NACA: variants seen among roughly 807,000 people sequenced by gnomAD.
The protein encoded by NACA is nascent polypeptide-associated complex subunit alpha.
Under a neutral mutation model 86.4 loss-of-function variants are expected in NACA, and 42 were observed. That is an observed-to-expected ratio of 0.49 (90% CI 0.38 to 0.63). The LOEUF is 0.63. NACA is among the 20% of genes least tolerant of loss of function. The pLI is 0.00. For synonymous variants in NACA, 898 were observed against 973.7 expected (o/e 0.92, Z 1.45); for missense variants, 2,157 against 2,483.6 (o/e 0.87, Z 2.80).
At chr12:56,715,656 A>G (rs1953332944) in intron 3 of NACA, among the ~76,000 whole-genome samples, 2 of 152,076 alleles carry the variant, frequency 1.3e-5, no homozygotes, top group South Asian at 2.1e-4. Flanking sequence ...ATGATACACA[A>G]TGTACTATGT....
At position 56,721,287 on chromosome 12, in the gene NACA, AG is replaced by A; in HGVS notation, c.242del (p.Pro81LeufsTer26). The A allele has an allele frequency of 6.2e-7, 1 of 1,612,742 alleles. No homozygotes were observed. Among genetic ancestry groups the A allele is most frequent in the Non-Finnish European group, 8.5e-7 (1 of 1,179,442 alleles). Reference sequence around the variant, plus strand: ...CTGTTCCAGAGGATGACTGGGGAAAAGGAACTTCTAAAGGGGTCGAGGCAAT... The same window carrying A: ...CTGTTCCAGAGGATGACTGGGGAAAAGAACTTCTAAAGGGGTCGAGGCAAT... Reference protein sequence around the residue: ...STIASTPLEVPFPQSSSGTAL... With the variant: ...STIASTPLEVXFPQSSSGTAL... On this transcript the variant is annotated frameshift_variant, in exon 3 of 9. Transcript: ENST00000454682. LOFTEE classifies it high-confidence loss of function.
In NACA at chr12:56,715,866, A is replaced by G. The variant is rs1953341140; in HGVS notation, c.5659+5T>C. On this transcript the variant is annotated splice_donor_5th_base_variant and intron_variant, in intron 3 of 8. Coordinates refer to ENST00000454682, the MANE Select transcript of NACA (RefSeq NM_001365896.1). ...ACCATGCACACGGCAAACCAAGGCAAATACCCTTGTTGTTCTTCGTAACAG... is the reference window on the plus strand; with the variant it reads ...ACCATGCACACGGCAAACCAAGGCAGATACCCTTGTTGTTCTTCGTAACAG... 1 of 1,511,438 alleles carries G rather than the reference A, an allele frequency of 6.6e-7. No individual in the cohort carries two copies. Among genetic ancestry groups the G allele is most frequent in the Admixed American group, 2.3e-5 (1 of 44,050 alleles). The allele number at this position is 1,511,438 out of a possible 1,614,324, so 93.6% of individuals were successfully genotyped here.
rs1953373231 is a variant in NACA at position 56,716,609 on chromosome 12, G to A, written c.4921C>T (p.Pro1641Ser). ...PAPKGTPTSP[P>S]VTPSSLKDSP... ...TCTTTGAGGGAGGAAGGAGTCACAG[G>A]TGGGGAAGTGGGAGTCCCTTTGGGG... The change falls in exon 3 of 9, where the codon CCT becomes TCT. Residue 1641 changes from proline to serine, a missense_variant. Physicochemically the swap from Pro to Ser is moderately conservative, Grantham distance 74. This residue lies in a region of NACA where 797 missense variants were observed against 777.6 expected (regional missense o/e 1.02). Transcript: ENST00000454682. 1 of 1,450,962 alleles carries A rather than the reference G, an allele frequency of 6.9e-7. No individual in the cohort carries two copies. The highest frequency in any genetic ancestry group is 9.3e-7 in the Non-Finnish European group (1 of 1,074,148). 89.9% of individuals were successfully genotyped at this position (1,450,962 alleles called of 1,614,324 possible). A position where few individuals can be genotyped will look rare whatever the true frequency, so the allele number is the denominator to read the frequency against.
intron 1 of NACA, 86 bp from the exon 2 acceptor site, chr12:56,724,609 C>A: frequency 7.1e-7 from 1 of 1,409,230 alleles, no homozygotes. Context: ...TTAAAAACTC[C>A]GAGGAGGGCT....
At position 56,716,148 on chromosome 12, in the gene NACA, G is replaced by T; in HGVS notation, c.5382C>A (p.Pro1794=). The T allele has an allele frequency of 6.2e-7, 1 of 1,613,390 alleles. No homozygotes were observed. Among genetic ancestry groups the T allele is most frequent in the Non-Finnish European group, 8.5e-7 (1 of 1,179,720 alleles). Residue 1794 remains proline (P), a synonymous_variant, in exon 3 of 9, where the codon CCC becomes CCA. Coordinates refer to ENST00000454682, the MANE Select transcript of NACA (RefSeq NM_001365896.1). ...KPESASVSAA[P]SPPVSLPLAP... ...CAAGAGGCAGAGAGACTGGTGGGGA[G>T]GGTGCTGCAGAGACAGATGCTGATT... is the stretch of plus-strand genomic sequence containing the variant.
In NACA at chr12:56,716,454, G is replaced by T; in HGVS notation, c.5076C>A (p.Ser1692Arg). 3 of 1,568,318 alleles carry T rather than the reference G, an allele frequency of 1.9e-6. No individual in the cohort carries two copies. The highest frequency in any genetic ancestry group is 2.6e-6 in the Non-Finnish European group (3 of 1,151,492). The change falls in exon 3 of 9, where the codon AGC (serine) becomes AGA (arginine). Residue 1692 changes from serine (S) to arginine (R), a missense_variant. By Grantham distance (110) the Ser-to-Arg change is moderately radical. This residue lies in a region of NACA where 797 missense variants were observed against 777.6 expected (regional missense o/e 1.02). Transcript: ENST00000454682. ...GAGTGGGAGCTGTGATGATTGGCGT[G>T]CTTTCTGGAGCTGGGGCAACAAGTA... ...KEVLVAPAPE[S>R]TPIITAPTRK...
chr12:56,713,198 G>T lies in NACA; in HGVS notation c.5971-8C>A. The T allele has an allele frequency of 6.2e-7, 1 of 1,613,520 alleles. No individual in the cohort carries two copies. Among genetic ancestry groups the T allele is most frequent in the Non-Finnish European group, 8.5e-7 (1 of 1,179,682 alleles). On this transcript the variant is annotated splice_region_variant and splice_polypyrimidine_tract_variant and intron_variant, in intron 6 of 8. Coordinates refer to ENST00000454682, the MANE Select transcript of NACA (RefSeq NM_001365896.1). The stretch of plus-strand genomic sequence containing the variant: ...CTGGGATAAATCTTCGATCTACAGG[G>T]TAGAAAATACAGATCCATGTGAGTA...
At position 56,713,057 on chromosome 12, in the gene NACA, T is replaced by C. The variant is rs986355282; in HGVS notation, c.6099+5A>G. On this transcript the variant is annotated splice_donor_5th_base_variant and intron_variant, in intron 7 of 8. Coordinates refer to ENST00000454682, the MANE Select transcript of NACA (RefSeq NM_001365896.1). ...AGTTAAATTATGAAAGATTTCCTAG[T>C]ATACCTCTTCCTCTTCACTCTCCTC... The C allele has an allele frequency of 1.2e-6, 2 of 1,613,864 alleles. No individual in the cohort carries two copies. The highest frequency in any genetic ancestry group is 1.7e-6 in the Non-Finnish European group (2 of 1,179,944).
At position 56,716,445 on chromosome 12, in the gene NACA, G is replaced by A. The variant is rs372794179; in HGVS notation, c.5085C>T (p.Ile1695=). 1 of 1,579,442 alleles carries A rather than the reference G, an allele frequency of 6.3e-7. No homozygotes were observed. Among genetic ancestry groups the A allele is most frequent in the Non-Finnish European group, 8.6e-7 (1 of 1,158,566 alleles). The change falls in exon 3 of 9, where the codon ATC becomes ATT. Residue 1695 remains isoleucine, a synonymous_variant. Coordinates refer to ENST00000454682, the MANE Select transcript of NACA (RefSeq NM_001365896.1). ...LVAPAPESTP[I]ITAPTRKGPQ... ...GACCTTTCCGAGTGGGAGCTGTGAT[G>A]ATTGGCGTGCTTTCTGGAGCTGGGG...
Position 56,719,495 on chromosome 12 carries a change from C to A in NACA, c.2035G>T (p.Gly679Ter). 1 of 1,613,898 alleles carries A rather than the reference C, an allele frequency of 6.2e-7. No homozygotes were observed. The highest frequency in any genetic ancestry group is 1.1e-5 in the South Asian group (1 of 91,078). The change falls in exon 3 of 9, where the codon GGA (glycine) becomes TGA (stop). Residue 679 changes from glycine to a stop codon, truncating the protein, a stop_gained. Transcript: ENST00000454682. LOFTEE classifies it high-confidence loss of function. The part of the protein sequence containing the change: ...YTTTASPFLE[G>*]TVSLAPKNHP... ...TTTTTAGGAGCTAAAGAGACAGTTCCTTCTAGAAAAGGGCTGGCTGTAGTT... is the reference window on the plus strand; with the variant it reads ...TTTTTAGGAGCTAAAGAGACAGTTCATTCTAGAAAAGGGCTGGCTGTAGTT...
At position 56,719,833 on chromosome 12, in the gene NACA, G is replaced by A. The variant is rs775768350; in HGVS notation, c.1697C>T (p.Ala566Val). The change falls in exon 3 of 9, where the codon GCC (alanine) becomes GTC (valine). Residue 566 changes from alanine (A) to valine (V), a missense_variant. Ala to Val is a moderately conservative substitution (Grantham distance 64). This residue lies in a region of NACA where 947 missense variants were observed against 917.9 expected (regional missense o/e 1.03). Transcript: ENST00000454682. Reference protein sequence around the residue: ...DPTVLPLVQAAPKNSPSFQST... With the variant: ...DPTVLPLVQAVPKNSPSFQST... The stretch of plus-strand genomic sequence containing the variant: ...TTGGAAAGAAGGGGAATTTTTAGGG[G>A]CTGCCTGGACTAACGGTAATACAGT... 2 of 1,613,736 alleles carry A rather than the reference G, an allele frequency of 1.2e-6. No homozygotes were observed. Among genetic ancestry groups the A allele is most frequent in the African/African-American group, 2.7e-5 (2 of 74,860 alleles).
intron 1 of NACA, chr12:56,724,766 G>A: frequency 3.9e-6 from 2 of 507,886 alleles, no homozygotes; most frequent in Non-Finnish European, 7.0e-6. Flanking sequence ...TCCCGGGCTG[G>A]CTCTCGATCA....
chr12:56,713,689 G>A lies in NACA; in HGVS notation c.5824-6C>T. On this transcript the variant is annotated splice_region_variant and splice_polypyrimidine_tract_variant and intron_variant, in intron 5 of 8. Coordinates refer to ENST00000454682, the MANE Select transcript of NACA (RefSeq NM_001365896.1). ...AGACCCAGTTTGGACATAGCCTAAA[G>A]AAGAGAAAATAGTATCAGGTTTTCA... 1.2e-6 allele frequency: 2 copies of A among 1,613,546 alleles called. No individual in the cohort carries two copies. The highest frequency in any genetic ancestry group is 1.7e-6 in the Non-Finnish European group (2 of 1,179,688).
intron 4 of NACA, 55 bp downstream of exon 4, chr12:56,714,547 G>T (rs374318467): frequency 1.2e-6 from 2 of 1,605,018 alleles, no homozygotes; most frequent in African/African-American, 1.3e-5. Flanking sequence ...TACAAAAGTT[G>T]CCCTGATCAA....
chr12:56,721,537 C>A (rs1953577311), intron 2 of NACA, 78 bp from the exon 3 acceptor site: 6 of 877,396 alleles, frequency 6.8e-6, no homozygotes, highest in Non-Finnish European at 3.4e-6. Flanking sequence ...CAACTTGGTA[C>A]AACATGCCTC....
Position 56,719,565 on chromosome 12 carries a change from A to G in NACA, c.1965T>C (p.Pro655=), listed in dbSNP as rs1592319258. 1 of 1,613,930 alleles carries G rather than the reference A, an allele frequency of 6.2e-7. No homozygotes were observed. Residue 655 remains proline (P), a synonymous_variant, in exon 3 of 9, where the codon CCT becomes CCC. Coordinates refer to ENST00000454682, the MANE Select transcript of NACA (RefSeq NM_001365896.1). ...TGGCAGTTGTGGGAGCCACCCCGGCAGGGTCAGCACTTTCCAAAGGAAATG... is the reference window on the plus strand; with the variant it reads ...TGGCAGTTGTGGGAGCCACCCCGGCGGGGTCAGCACTTTCCAAAGGAAATG... ...VAAFPLESAD[P]AGVAPTTAKG... is the part of the protein sequence containing the mutation.
rs1953539660 is a variant in NACA, at chr12:56,720,425, C to T, written c.1105G>A (p.Ala369Thr). The stretch of plus-strand genomic sequence containing the variant: ...ACCACTGGAAAGGCAGCCACAGTAG[C>T]AGGAACTACCTCATTTCTGGAAGGA... ...PLPSRNEVVP[A>T]TVAAFPVVAP... Residue 369 changes from alanine (A) to threonine (T), a missense_variant, in exon 3 of 9, where the codon GCT (alanine) becomes ACT (threonine). Coordinates refer to ENST00000454682, the MANE Select transcript of NACA (RefSeq NM_001365896.1). The T allele has an allele frequency of 1.2e-6, 2 of 1,613,658 alleles. No individual in the cohort carries two copies. Among genetic ancestry groups the T allele is most frequent in the Admixed American group, 3.3e-5 (2 of 59,966 alleles).
At chr12:56,715,305 TTTCAA>T (rs1953322313) in intron 3 of NACA, among the ~76,000 whole-genome samples, 1 of 152,156 alleles carries the variant, frequency 6.6e-6, no homozygotes, top group African/African-American at 2.4e-5. Context: ...CATAAATTTC[TTTCAA>T]TTCAAAGGCC....
intron 3 of NACA, among the ~76,000 whole-genome samples, chr12:56,715,204 C>T (rs918765906): frequency 6.6e-6 from 1 of 152,174 alleles, no homozygotes; most frequent in Admixed American, 6.5e-5. Flanking sequence ...CATTTTCAAA[C>T]CATTCACCCC....
Sources: gnomAD v4.1 joint callset for allele counts (sites outside exome capture counted in the v4.1 genomes callset) on GRCh38, gnomAD v4.1.1 for gene constraint, gnomAD v4.1.1 regional missense constraint, MANE v1.5 for transcripts, NCBI Gene and HGNC (gene_info 2026-07-23, HGNC 2026-07-21) for gene names.